The following GNL1 variants were observed in gnomAD, a reference collection of about 807,000 sequenced individuals.
GNL1 encodes G protein nucleolar 1, also known as guanine nucleotide-binding protein-like 1.
A neutral mutation model predicts 75.2 loss-of-function variants in GNL1; 21 were observed. That is an observed-to-expected ratio of 0.28 (90% CI 0.20 to 0.40). The LOEUF is 0.40. Ranked by LOEUF, GNL1 falls within the 10% of genes least tolerant of loss-of-function variation. The pLI is 1.00. For synonymous variants in GNL1, 287 were observed against 303.4 expected, an observed-to-expected ratio of 0.95 and a Z score of 0.56; for missense variants, 579 against 775.0, an observed-to-expected ratio of 0.75 and a Z score of 3.00.
Position 30,543,089 on chromosome 6 carries a change from T to A in GNL1, c.*2983A>T, listed in dbSNP as rs1799258121. The A allele has an allele frequency of 6.6e-6, 1 of 152,424 alleles. No individual in the cohort carries two copies. The highest frequency in any genetic ancestry group is 6.5e-5 in the Admixed American group (1 of 15,286). The allele number at this position is 152,424 out of a possible 1,614,324, so 9.4% of individuals were successfully genotyped here. On this transcript the variant is annotated 3_prime_UTR_variant, in exon 12 of 12. Coordinates refer to ENST00000376621, the MANE Select transcript of GNL1 (RefSeq NM_005275.5). ...CCAGCATTTGGCCTCAGCATGGACA[T>A]CTGTTCCTCTAGGACGCTTCCCCTG...
At position 30,546,822 on chromosome 6, in the gene GNL1, G is replaced by A. The variant is rs959084607; in HGVS notation, c.1456C>T (p.Arg486Cys). The A allele has an allele frequency of 1.3e-6, 2 of 1,590,114 alleles. No homozygotes were observed. The change falls in exon 11 of 12, where the codon CGT becomes TGT. Residue 486 changes from arginine to cysteine, a missense_variant. Physicochemically the swap from Arg to Cys is radical, Grantham distance 180. Transcript: ENST00000376621. The surrounding 1 kb of genome is among the most constrained non-coding windows in gnomAD (Gnocchi z 5.1). ...WDICEAWAEK[R>C]GYKTAKAARN... ...GCCGCCTTGGCTGTCTTGTAACCAC[G>A]TTTCTCTGCCCAGGCTGGAGGAAGA...
At position 30,555,883 on chromosome 6, in the gene GNL1, C is replaced by A; in HGVS notation, c.74-163G>T. The A allele has an allele frequency of 1.2e-6, 1 of 841,672 alleles. No individual in the cohort carries two copies. The highest frequency in any genetic ancestry group is 1.8e-6 in the Non-Finnish European group (1 of 542,120). 52.1% of individuals were successfully genotyped at this position (841,672 alleles called of 1,614,324 possible). A position where few individuals can be genotyped will look rare whatever the true frequency, so the allele number is the denominator to read the frequency against. On this transcript the variant is annotated intron_variant, in intron 1 of 11. Transcript: ENST00000376621. The surrounding 1 kb of genome is among the most constrained non-coding windows in gnomAD (Gnocchi z 4.3). ...CCTCCCGGATGTGCGTGGGGGGAGT[C>A]ACTCCTTCAGGGAGCAGTGGGGACG... is the stretch of plus-strand genomic sequence containing the variant.
At position 30,555,265 on chromosome 6, in the gene GNL1, A is replaced by T; in HGVS notation, c.240-74T>A. Reference sequence around the variant, plus strand: ...CTCCTATTTTCTCCCCTCTTGTACAATCAACTTCGCAAACCATTCTCTCCA... The same window carrying T: ...CTCCTATTTTCTCCCCTCTTGTACATTCAACTTCGCAAACCATTCTCTCCA... On this transcript the variant is annotated intron_variant, in intron 2 of 11. Coordinates refer to ENST00000376621, the MANE Select transcript of GNL1 (RefSeq NM_005275.5). This position sits in a 1 kb window ranked among gnomAD's most constrained non-coding sequence, Gnocchi z 4.3. 6.4e-7 allele frequency: 1 copy of T among 1,569,698 alleles called. No homozygotes were observed. Among genetic ancestry groups the T allele is most frequent in the Non-Finnish European group, 8.7e-7 (1 of 1,144,582 alleles).
At position 30,546,156 on chromosome 6, in the gene GNL1, C is replaced by T; in HGVS notation, c.1740G>A (p.Gly580=). Residue 580 remains glycine, a synonymous_variant, in exon 12 of 12, where the codon GGG becomes GGA. Coordinates refer to ENST00000376621, the MANE Select transcript of GNL1 (RefSeq NM_005275.5). This position sits in a 1 kb window ranked among gnomAD's most constrained non-coding sequence, Gnocchi z 5.1. ...EDRDADEEGE[G]DEETPTSAPG... ...GAGCCGAGGTTGGGGTCTCCTCATC[C>T]CCTTCTCCCTCCTCATCCGCATCCC... The T allele has an allele frequency of 6.4e-7, 1 of 1,564,696 alleles. No individual in the cohort carries two copies. Among genetic ancestry groups the T allele is most frequent in the East Asian group, 2.4e-5 (1 of 42,096 alleles).
chr6:30,547,576 T>C lies in GNL1; in HGVS notation c.1100-46A>G. 1 of 1,520,238 alleles carries C rather than the reference T, an allele frequency of 6.6e-7. No individual in the cohort carries two copies. The highest frequency in any genetic ancestry group is 9.1e-7 in the Non-Finnish European group (1 of 1,096,336). The allele number at this position is 1,520,238 out of a possible 1,614,324, so 94.2% of individuals were successfully genotyped here. A position where few individuals can be genotyped will look rare whatever the true frequency, so the allele number is the denominator to read the frequency against. ...TAACGTTTAACAGGTTTCTACTCTG[T>C]GATGGGACTTGGTGCTATACCTATA... is the stretch of plus-strand genomic sequence containing the variant. On this transcript the variant is annotated intron_variant, in intron 8 of 11. Coordinates refer to ENST00000376621, the MANE Select transcript of GNL1 (RefSeq NM_005275.5). This position sits in a 1 kb window ranked among gnomAD's most constrained non-coding sequence, Gnocchi z 5.5.
Position 30,544,149 on chromosome 6 carries a change from C to T in GNL1, c.*1923G>A, listed in dbSNP as rs531688854. ...CTATTATCCTATAGAGTCAGCAAGT[C>T]ATGGAAGAGGTTTTACAGTCTAACC... On this transcript the variant is annotated 3_prime_UTR_variant, in exon 12 of 12. Coordinates refer to ENST00000376621, the MANE Select transcript of GNL1 (RefSeq NM_005275.5). 1 of 152,232 alleles carries T rather than the reference C, an allele frequency of 6.6e-6. No homozygotes were observed. The highest frequency in any genetic ancestry group is 1.9e-4 in the East Asian group (1 of 5,180). 9.4% of individuals were successfully genotyped at this position (152,232 alleles called of 1,614,324 possible).
In GNL1 at chr6:30,547,141, T is replaced by G; in HGVS notation, c.1412A>C (p.His471Pro). Residue 471 changes from histidine (H) to proline (P), a missense_variant, in exon 10 of 12, where the codon CAC becomes CCC. Transcript: ENST00000376621. The surrounding 1 kb of genome is among the most constrained non-coding windows in gnomAD (Gnocchi z 5.5). Reference protein sequence around the residue: ...HPEAEDPSAEHPWCAWDICEA... With the variant: ...HPEAEDPSAEPPWCAWDICEA... ...ACAGATGTCCCAGGCACACCAGGGGTGTTCCGCTGAGGGGTCCTCAGCCTC... is the reference window on the plus strand; with the variant it reads ...ACAGATGTCCCAGGCACACCAGGGGGGTTCCGCTGAGGGGTCCTCAGCCTC... The G allele has an allele frequency of 6.2e-7, 1 of 1,612,142 alleles. No individual in the cohort carries two copies. Among genetic ancestry groups the G allele is most frequent in the Non-Finnish European group, 8.5e-7 (1 of 1,179,736 alleles).
chr6:30,549,825 C>CTTT (rs535787672), intron 8 of GNL1, among the ~76,000 whole-genome samples: 17 of 129,448 alleles, frequency 1.3e-4, no homozygotes, highest in African/African-American at 2.4e-4. Flanking sequence ...AATTCCATGG[C>CTTT]TTTTTTTTTT....
In GNL1 at chr6:30,548,005, A is replaced by G. The variant is rs564778635; in HGVS notation, c.1100-475T>C. Among the ~76,000 whole-genome samples the G allele has an allele frequency of 6.6e-6, 1 of 152,178 alleles. No homozygotes were observed. Among genetic ancestry groups the G allele is most frequent in the East Asian group, 1.9e-4 (1 of 5,164 alleles). ...AGCCTGGCCAACATGGTGAAACCCC[A>G]TCTCTACTAAAAATACAAAAATTAG... On this transcript the variant is annotated intron_variant, in intron 8 of 11. Coordinates refer to ENST00000376621, the MANE Select transcript of GNL1 (RefSeq NM_005275.5). The surrounding 1 kb of genome is among the most constrained non-coding windows in gnomAD (Gnocchi z 4.2).
rs1173236684 is a variant in GNL1 at position 30,553,465 on chromosome 6, C to T, written c.693G>A (p.Pro231=). The T allele has an allele frequency of 1.1e-5, 18 of 1,612,652 alleles. No homozygotes were observed. Among genetic ancestry groups the T allele is most frequent in the Admixed American group, 5.0e-5 (3 of 60,000 alleles). ...VLVLNKVDLA[P]PALVVAWKHY... ...GCTTCCAGGCAACCACAAGAGCTGG[C>T]GGGGCCAGATCCACCTTGTTCAAAA... is the stretch of plus-strand genomic sequence containing the variant. The change falls in exon 6 of 12, where the codon CCG becomes CCA. Residue 231 remains proline, a synonymous_variant. Transcript: ENST00000376621.
chr6:30,546,602 A>T lies in GNL1; in HGVS notation c.1582+94T>A, dbSNP rs1046019473. 2.9e-6 allele frequency: 3 copies of T among 1,033,890 alleles called. No homozygotes were observed. The African/African-American group carries it at 4.8e-5, about 17-fold the overall frequency. 64.0% of individuals were successfully genotyped at this position (1,033,890 alleles called of 1,614,324 possible). ...AGTAACAGAGCTAGCCAACAGGTAC[A>T]GAATCCAGGTTTGACCCTCTCTCTG... is the stretch of plus-strand genomic sequence containing the variant. On this transcript the variant is annotated intron_variant, in intron 11 of 11. Coordinates refer to ENST00000376621, the MANE Select transcript of GNL1 (RefSeq NM_005275.5). The surrounding 1 kb of genome is among the most constrained non-coding windows in gnomAD (Gnocchi z 5.1).
Position 30,547,841 on chromosome 6 carries a change from G to A in GNL1, c.1100-311C>T, listed in dbSNP as rs1799543978. On this transcript the variant is annotated intron_variant, in intron 8 of 11. Coordinates refer to ENST00000376621, the MANE Select transcript of GNL1 (RefSeq NM_005275.5). The surrounding 1 kb of genome is among the most constrained non-coding windows in gnomAD (Gnocchi z 5.5). Reference sequence around the variant, plus strand: ...TGTGTGGGTCAGTGCCTGCAGTACAGTAAGTACCCAGTACCAGTGATCCAC... The same window carrying A: ...TGTGTGGGTCAGTGCCTGCAGTACAATAAGTACCCAGTACCAGTGATCCAC... 2.3e-6 allele frequency: 1 copy of A among 430,902 alleles called. No homozygotes were observed. The highest frequency in any genetic ancestry group is 4.7e-5 in the East Asian group (1 of 21,164). The allele number at this position is 430,902 out of a possible 1,614,324, so 26.7% of individuals were successfully genotyped here.
chr6:30,553,178 G>C lies in GNL1; in HGVS notation c.810C>G (p.Val270=), dbSNP rs148792484. 9 of 1,610,268 alleles carry C rather than the reference G, an allele frequency of 5.6e-6. No homozygotes were observed. Among genetic ancestry groups the C allele is most frequent in the Non-Finnish European group, 6.8e-6 (8 of 1,176,602 alleles). The stretch of plus-strand genomic sequence containing the variant: ...TCCCCCGCCTCCGACTCTTCTTCAA[G>C]ACTGAGATCAGAGGGCACAAAAGGA... The part of the protein sequence containing the change: ...DPRTPQDPSS[V]LKKSRRRGRG... Residue 270 remains valine, a splice_region_variant and synonymous_variant, in exon 7 of 12, where the codon GTC becomes GTG. Transcript: ENST00000376621.
At position 30,546,218 on chromosome 6, in the gene GNL1, G is replaced by T; in HGVS notation, c.1678C>A (p.Leu560Met). ...CCCTCCTCCTCACAGGAGCTGCTCA[G>T]CTCTTCCTCTTCCTCCTCCTCCTCG... Reference protein sequence around the residue: ...GDEEEEEEEELSSSCEEEGEE... With the variant: ...GDEEEEEEEEMSSSCEEEGEE... Residue 560 changes from leucine to methionine, a missense_variant, in exon 12 of 12, where the codon CTG (leucine) becomes ATG (methionine). Transcript: ENST00000376621. The surrounding 1 kb of genome is among the most constrained non-coding windows in gnomAD (Gnocchi z 5.1). 6.4e-7 allele frequency: 1 copy of T among 1,556,002 alleles called. No homozygotes were observed. Among genetic ancestry groups the T allele is most frequent in the South Asian group, 1.2e-5 (1 of 85,938 alleles).
In GNL1 at chr6:30,555,685, G is replaced by A; in HGVS notation, c.109C>T (p.Arg37Cys). Residue 37 changes from arginine (R) to cysteine (C), a missense_variant, in exon 2 of 12, where the codon CGC becomes TGC. By Grantham distance (180) the Arg-to-Cys change is radical (BLOSUM62 -3). Coordinates refer to ENST00000376621, the MANE Select transcript of GNL1 (RefSeq NM_005275.5). This position sits in a 1 kb window ranked among gnomAD's most constrained non-coding sequence, Gnocchi z 4.3. The stretch of plus-strand genomic sequence containing the variant: ...TCTCGCCGCTCCCGGCTCCCGCTGC[G>A]GCTGTTGGAACTGGAGCGCAGCCCA... ...QDGLRSSSNS[R>C]SGSRERREEQ... 2 of 1,613,582 alleles carry A rather than the reference G, an allele frequency of 1.2e-6. No individual in the cohort carries two copies. Among genetic ancestry groups the A allele is most frequent in the Non-Finnish European group, 1.7e-6 (2 of 1,179,930 alleles).
rs996785055 is a variant in GNL1 at position 30,555,018 on chromosome 6, C to T, written c.376+37G>A. 1.6e-5 allele frequency: 25 copies of T among 1,612,564 alleles called. No individual in the cohort carries two copies. The highest frequency in any genetic ancestry group is 1.9e-5 in the Non-Finnish European group (22 of 1,179,756). On this transcript the variant is annotated intron_variant, in intron 3 of 11. Coordinates refer to ENST00000376621, the MANE Select transcript of GNL1 (RefSeq NM_005275.5). The surrounding 1 kb of genome is among the most constrained non-coding windows in gnomAD (Gnocchi z 4.3). Reference sequence around the variant, plus strand: ...CAGTCGGCTTTTACCTTTCCAAACTCCTTCCCCAGCCCAATGCCTGTCTTG... The same window carrying T: ...CAGTCGGCTTTTACCTTTCCAAACTTCTTCCCCAGCCCAATGCCTGTCTTG...
Position 30,552,802 on chromosome 6 carries a change from A to G in GNL1, c.905-141T>C. Reference sequence around the variant, plus strand: ...AACCTAAATAAGAGCAGGTCAGAGAATCTCCCAAAAGTCATTTGACCCTAC... The same window carrying G: ...AACCTAAATAAGAGCAGGTCAGAGAGTCTCCCAAAAGTCATTTGACCCTAC... On this transcript the variant is annotated intron_variant, in intron 7 of 11. Transcript: ENST00000376621. The surrounding 1 kb of genome is among the most constrained non-coding windows in gnomAD (Gnocchi z 4.5). 1.3e-6 allele frequency: 1 copy of G among 752,234 alleles called. No individual in the cohort carries two copies. The highest frequency in any genetic ancestry group is 1.9e-5 in the South Asian group (1 of 53,296). 46.6% of individuals were successfully genotyped at this position (752,234 alleles called of 1,614,324 possible).
intron 5 of GNL1, among the ~76,000 whole-genome samples, chr6:30,553,774 G>A (rs532253425): frequency 6.6e-6 from 1 of 152,212 alleles, no homozygotes; most frequent in Non-Finnish European, 1.5e-5. Flanking sequence ...CATGATTAGA[G>A]ATGGAAATGA....
Position 30,553,948 on chromosome 6 carries a change from CAT to C in GNL1, c.601-393_601-392del, listed in dbSNP as rs374458255. Among the ~76,000 whole-genome samples, 60 of 152,350 alleles carry C rather than the reference CAT, an allele frequency of 3.9e-4. 1 individual carries two copies. The South Asian group carries it at 6.4e-3, about 16-fold the overall frequency. On this transcript the variant is annotated intron_variant, in intron 5 of 11. Transcript: ENST00000376621. ...ATATGCATGCATGCAAGTACGTGCA[CAT>C]GTGTGCATGTTTGTGTGTTAATGTG...
Sources: gnomAD v4.1 joint callset for allele counts (sites outside exome capture counted in the v4.1 genomes callset) on GRCh38, gnomAD v4.1.1 for gene constraint, Gnocchi (gnomAD v3.1) non-coding constraint, MANE v1.5 for transcripts, NCBI Gene and HGNC (gene_info 2026-07-23, HGNC 2026-07-21) for gene names.